Variants in PRMT8 observed in about 807,000 individuals in gnomAD.
PRMT8 encodes the protein protein arginine methyltransferase 8, also known as protein arginine N-methyltransferase 8.
Under a neutral mutation model 47.1 loss-of-function variants are expected in PRMT8, and 7 were observed. The ratio of observed to expected loss-of-function variants is 0.15; its 90% CI spans 0.08 to 0.28. The LOEUF is 0.28. Ranked by LOEUF, PRMT8 falls within the 10% of genes least tolerant of loss-of-function variation. PRMT8 has a pLI of 1.00. For missense variants in PRMT8, 237 were observed against 505.4 expected (o/e 0.47, Z 5.09); for synonymous variants, 188 against 186.5 (o/e 1.01, Z -0.07).
intron 1 of PRMT8, among the ~76,000 whole-genome samples, chr12:3,414,639 A>G (rs1460485614): frequency 6.6e-6 from 1 of 152,096 alleles, no homozygotes; most frequent in Non-Finnish European, 1.5e-5. Context: ...CGGCATCCAG[A>G]AAGAATCAGG....
chr12:3,489,286 G>A (rs537987464), upstream of PRMT8, among the ~76,000 whole-genome samples: 3 of 152,032 alleles, frequency 2.0e-5, no homozygotes, highest in East Asian at 1.9e-4. Flanking sequence ...AGCCTATTTC[G>A]GTGGGAGCTT....
intron 1 of PRMT8, chr12:3,469,091 G>C (rs1161003101): frequency 4.2e-6 from 2 of 478,356 alleles, no homozygotes; most frequent in African/African-American, 3.9e-5. Context: ...AGTGGAGGCC[G>C]CAGCAGTCAG....
chr12:3,491,880 GTGTGTGTGTTGGT>G (rs1865413791), intron 1 of PRMT8, among the ~76,000 whole-genome samples, 180 bp downstream of exon 1: 1 of 108,152 alleles, frequency 9.2e-6, no homozygotes, highest in African/African-American at 3.5e-5. Flanking sequence ...GTGTGTGTGT[GTGTGTGTGTTGGT>G]GGGGGGTGGG....
chr12:3,544,659 A>T (rs1030962413), intron 2 of PRMT8, among the ~76,000 whole-genome samples: 1 of 152,114 alleles, frequency 6.6e-6, no homozygotes, highest in Non-Finnish European at 1.5e-5. Flanking sequence ...GGATATTAAG[A>T]TGTTCCCGTG....
chr12:3,470,723 G>A (rs888022564), intron 1 of PRMT8, among the ~76,000 whole-genome samples: 5 of 152,180 alleles, frequency 3.3e-5, no homozygotes, highest in Non-Finnish European at 5.9e-5. Flanking sequence ...CAGGGATGGA[G>A]GGACAGAACC....
chr12:3,536,592 G>T (rs1306616012), intron 1 of PRMT8, among the ~76,000 whole-genome samples: 1 of 152,202 alleles, frequency 6.6e-6, no homozygotes, highest in East Asian at 1.9e-4. Context: ...CAATACTGGG[G>T]TCAGCTTCAT....
rs1434789628 is a variant in PRMT8, at chr12:3,554,224, A to G, written c.481+510A>G. Among the ~76,000 whole-genome samples, 37 of 152,194 alleles carry G rather than the reference A, an allele frequency of 2.4e-4. 1 individual carries two copies. ...GCCCTTCTTCAGCTGGAGTCTGATT[A>G]TAGAGAGGGGCGTCCCTTCCCTTCC... On this transcript the variant is annotated intron_variant, in intron 4 of 9. Coordinates refer to ENST00000382622, the MANE Select transcript of PRMT8 (RefSeq NM_019854.5).
At chr12:3,439,937 G>A (rs568545741) in intron 1 of PRMT8, among the ~76,000 whole-genome samples, 4 of 152,248 alleles carry the variant, frequency 2.6e-5, no homozygotes, top group South Asian at 2.1e-4. Context: ...AGTATGAGTC[G>A]GGCACCACGG....
chr12:3,528,782 A>G (rs1416851129), intron 1 of PRMT8, among the ~76,000 whole-genome samples: 1 of 152,152 alleles, frequency 6.6e-6, no homozygotes, highest in African/African-American at 2.4e-5. Flanking sequence ...TATGCTTCTA[A>G]GCTTTGTTTT....
intron 1 of PRMT8, among the ~76,000 whole-genome samples, chr12:3,433,831 C>T (rs549377583): frequency 1.6e-3 from 245 of 152,196 alleles, no homozygotes; most frequent in Non-Finnish European, 3.0e-3. Flanking sequence ...AGGCTGGTCT[C>T]GAACTCAGGT....
upstream of PRMT8, among the ~76,000 whole-genome samples, chr12:3,489,827 ACAC>A (rs1565420432): frequency 4.9e-5 from 7 of 143,108 alleles, no homozygotes; most frequent in Non-Finnish European, 9.0e-5. Flanking sequence ...ACACACACAC[ACAC>A]ACACGCGCGC....
chr12:3,471,911 A>G (rs1302559291), intron 1 of PRMT8, among the ~76,000 whole-genome samples: 1 of 151,950 alleles, frequency 6.6e-6, no homozygotes, highest in African/African-American at 2.4e-5. Context: ...ATTGATGGTA[A>G]GGTAGCGGGG....
rs1331716039 is a variant in PRMT8, at chr12:3,569,227, T to C, written c.625-250T>C. On this transcript the variant is annotated intron_variant, in intron 5 of 9. Transcript: ENST00000382622. This position sits in a 1 kb window ranked among gnomAD's most constrained non-coding sequence, Gnocchi z 8.2. Reference sequence around the variant, plus strand: ...AAGTCGTAACATCTCTCACTGCTCCTCACTGGATTTACCTTCACCTCACCT... The same window carrying C: ...AAGTCGTAACATCTCTCACTGCTCCCCACTGGATTTACCTTCACCTCACCT... Among the ~76,000 whole-genome samples the C allele has an allele frequency of 6.6e-6, 1 of 152,222 alleles. No individual in the cohort carries two copies. The highest frequency in any genetic ancestry group is 1.5e-5 in the Non-Finnish European group (1 of 68,024).
In PRMT8 at chr12:3,491,466, A is replaced by T; in HGVS notation, c.-160A>T. On this transcript the variant is annotated 5_prime_UTR_variant, in exon 1 of 10. Coordinates refer to ENST00000382622, the MANE Select transcript of PRMT8 (RefSeq NM_019854.5). ...AAATAAAAGAAAGTGGAGACTGCAGAACAGACTCCGCTGTGGCTGACTGTG... is the reference window on the plus strand; with the variant it reads ...AAATAAAAGAAAGTGGAGACTGCAGTACAGACTCCGCTGTGGCTGACTGTG... 7.0e-7 allele frequency: 1 copy of T among 1,435,138 alleles called. No individual in the cohort carries two copies. Among genetic ancestry groups the T allele is most frequent in the South Asian group, 1.5e-5 (1 of 66,214 alleles). The allele number at this position is 1,435,138 out of a possible 1,614,324, so 88.9% of individuals were successfully genotyped here. A position where few individuals can be genotyped will look rare whatever the true frequency, so the allele number is the denominator to read the frequency against.
intron 1 of PRMT8, among the ~76,000 whole-genome samples, chr12:3,459,954 A>G (rs772308761): frequency 6.6e-6 from 1 of 152,150 alleles, no homozygotes; most frequent in Non-Finnish European, 1.5e-5. Context: ...CTATGCCATT[A>G]CGTTCACGTC....
At chr12:3,417,202 A>G (rs1462609759) in intron 1 of PRMT8, among the ~76,000 whole-genome samples, 1 of 152,228 alleles carries the variant, frequency 6.6e-6, no homozygotes. Context: ...TCTTGTTGCC[A>G]CACAGAGGTT....
At chr12:3,578,367 G>A (rs1454355156) in intron 7 of PRMT8, among the ~76,000 whole-genome samples, 1 of 152,124 alleles carries the variant, frequency 6.6e-6, no homozygotes, top group Non-Finnish European at 1.5e-5. Context: ...TGAAACTACG[G>A]CTACGTGCCA....
In PRMT8 at chr12:3,514,277, G is replaced by T. The variant is rs565984425; in HGVS notation, c.75+22577G>T. Among the ~76,000 whole-genome samples, 1 of 150,670 alleles carries T rather than the reference G, an allele frequency of 6.6e-6. No individual in the cohort carries two copies. On this transcript the variant is annotated intron_variant, in intron 1 of 9. Coordinates refer to ENST00000382622, the MANE Select transcript of PRMT8 (RefSeq NM_019854.5). The surrounding 1 kb of genome is among the most constrained non-coding windows in gnomAD (Gnocchi z 5.9). Reference sequence around the variant, plus strand: ...TCACCACAGAATACTGAGCACTTCTGGTTCCTCTGAGGTTGGTATCCGGTT... The same window carrying T: ...TCACCACAGAATACTGAGCACTTCTTGTTCCTCTGAGGTTGGTATCCGGTT...
intron 4 of PRMT8, among the ~76,000 whole-genome samples, chr12:3,567,337 C>CTGGCACT (rs1439482253): frequency 6.6e-6 from 1 of 152,246 alleles, no homozygotes; most frequent in Non-Finnish European, 1.5e-5. Flanking sequence ...GTGAGAAGAT[C>CTGGCACT]TGGCACTTAA....
Sources: allele counts gnomAD v4.1 joint callset (sites outside exome capture counted in the v4.1 genomes callset), GRCh38; gene constraint gnomAD v4.1.1; non-coding constraint Gnocchi (gnomAD v3.1); transcripts MANE v1.5; gene names NCBI Gene and HGNC (gene_info 2026-07-23, HGNC 2026-07-21).